Variants in RREB1 observed in about 807,000 individuals in gnomAD.
RREB1 encodes the protein ras-responsive element-binding protein 1.
RREB1 carries 27 observed loss-of-function variants against 117.8 expected under a neutral mutation model. That is an observed-to-expected ratio of 0.23 (90% CI 0.17 to 0.32). The LOEUF is 0.32. Among genes scored for constraint, RREB1 ranks in the 10% least tolerant of loss-of-function variants. The pLI is 1.00. For synonymous variants in RREB1, 1,298 were observed against 1,026.7 expected (o/e 1.26, Z -5.05); for missense variants, 2,577 against 2,378.2 (o/e 1.08, Z -1.74).
At chr6:7,108,317 T>TCCTCCTCCG (rs1378701714) in intron 1 of RREB1, among the ~76,000 whole-genome samples, 24 of 46,818 alleles carry the variant, frequency 5.1e-4, no homozygotes, top group Non-Finnish European at 2.0e-3. Context: ...GCCGGGCCAT[T>TCCTCCTCCG]CCTCCTCCTC....
rs878987846 is a variant in RREB1 at position 7,230,753 on chromosome 6, A to G, written c.2654A>G (p.Lys885Arg). Residue 885 changes from lysine to arginine, a missense_variant, in exon 10 of 13, where the codon AAG becomes AGG. Transcript: ENST00000379938. ...TQPPPPHVSI[K>R]LEPASSFAVD... ...CCTCCACCTCCCCATGTCTCGATCA[A>G]GTTGGAGCCCGCCAGTAGCTTTGCG... 6.2e-7 allele frequency: 1 copy of G among 1,610,460 alleles called. No homozygotes were observed. Among genetic ancestry groups the G allele is most frequent in the South Asian group, 1.1e-5 (1 of 90,670 alleles).
intron 1 of RREB1, among the ~76,000 whole-genome samples, chr6:7,133,027 C>T (rs1262499592): frequency 6.6e-6 from 1 of 152,216 alleles, no homozygotes; most frequent in East Asian, 1.9e-4. Flanking sequence ...GAGTTCACAT[C>T]TATCCTGAGC....
intron 6 of RREB1, among the ~76,000 whole-genome samples, chr6:7,199,514 A>C (rs190011899): frequency 6.6e-6 from 1 of 152,324 alleles, no homozygotes; most frequent in African/African-American, 2.4e-5. Context: ...AGTGCTGTGT[A>C]TCATGTGCTG....
At chr6:7,248,292 G>A (rs1581602757) in intron 12 of RREB1, among the ~76,000 whole-genome samples, 1 of 152,214 alleles carries the variant, frequency 6.6e-6, no homozygotes, top group East Asian at 1.9e-4. Flanking sequence ...TGGGCTGAGA[G>A]AGGAAGGAGA....
At chr6:7,246,224 T>C (rs1769007700) in intron 11 of RREB1, among the ~76,000 whole-genome samples, 200 bp from the exon 12 acceptor site, 1 of 152,120 alleles carries the variant, frequency 6.6e-6, no homozygotes, top group Non-Finnish European at 1.5e-5. Flanking sequence ...GAGGCTGCTT[T>C]TGCCTTTCTT....
intron 10 of RREB1, among the ~76,000 whole-genome samples, chr6:7,239,636 C>T (rs1286218475): frequency 1.3e-5 from 2 of 152,170 alleles, no homozygotes; most frequent in Admixed American, 6.5e-5. Flanking sequence ...GGTCTAGGGG[C>T]GAGGCAGGGC....
At chr6:7,108,928 C>T (rs1760987234) in intron 1 of RREB1, among the ~76,000 whole-genome samples, 1 of 151,286 alleles carries the variant, frequency 6.6e-6, no homozygotes. Flanking sequence ...GGACCGGGCC[C>T]TAGCCGTGCG....
chr6:7,114,545 A>G (rs1000707363), intron 1 of RREB1, among the ~76,000 whole-genome samples: 4 of 151,386 alleles, frequency 2.6e-5, no homozygotes, highest in African/African-American at 9.7e-5. Context: ...CACATCTTGG[A>G]GTGCACAGAA....
chr6:7,229,242 G>A lies in RREB1; in HGVS notation c.1143G>A (p.Glu381=). The change falls in exon 10 of 13, where the codon GAG becomes GAA. Residue 381 remains glutamate, a synonymous_variant. Transcript: ENST00000379938. This position sits in a 1 kb window ranked among gnomAD's most constrained non-coding sequence, Gnocchi z 4.5. ...HTKDVRPAPA[E]EPLPDDNQAI... ...AAGACGTCAGGCCTGCCCCCGCCGA[G>A]GAGCCCCTGCCGGATGACAACCAGG... 1 of 1,613,926 alleles carries A rather than the reference G, an allele frequency of 6.2e-7. No individual in the cohort carries two copies. The highest frequency in any genetic ancestry group is 2.2e-5 in the East Asian group (1 of 44,848).
intron 6 of RREB1, among the ~76,000 whole-genome samples, chr6:7,204,621 T>G (rs1474858886): frequency 1.3e-5 from 2 of 152,220 alleles, no homozygotes; most frequent in Non-Finnish European, 2.9e-5. Context: ...GCCTCCAGCT[T>G]GGCAGGTCCT....
In RREB1 at chr6:7,130,620, C is replaced by CT. The variant is rs150504185; in HGVS notation, c.-285+22573dup. ...CATTTACTTTTGTTAGTAGTCATTT[C>CT]TTTTTTTTTTTTTCGAGATGGAGTC... On this transcript the variant is annotated intron_variant, in intron 1 of 12. Transcript: ENST00000379938. Among the ~76,000 whole-genome samples the CT allele has an allele frequency of 6.1e-3, 882 of 143,664 alleles. 2 individuals carry two copies. Among genetic ancestry groups the CT allele is most frequent in the Middle Eastern group, 0.018 (5 of 276 alleles). 94.2% of individuals were successfully genotyped at this position (143,664 alleles called of 152,430 possible). A position where few individuals can be genotyped will look rare whatever the true frequency, so the allele number is the denominator to read the frequency against.
At chr6:7,148,321 G>T (rs1762963071) in intron 1 of RREB1, among the ~76,000 whole-genome samples, 1 of 152,096 alleles carries the variant, frequency 6.6e-6, no homozygotes, top group Admixed American at 6.5e-5. Flanking sequence ...GCCATCAGAA[G>T]GAGACACATT....
At chr6:7,119,756 G>C (rs971932454) in intron 1 of RREB1, among the ~76,000 whole-genome samples, 8 of 152,226 alleles carry the variant, frequency 5.3e-5, no homozygotes, top group Non-Finnish European at 1.0e-4. Context: ...CATTTTTAAA[G>C]ATTATTCCTA....
intron 6 of RREB1, 96 bp from the exon 7 acceptor site, chr6:7,210,706 GAA>G: frequency 1.8e-6 from 2 of 1,088,398 alleles, no homozygotes; most frequent in South Asian, 3.4e-5. Context: ...CTTAACTAAA[GAA>G]AATTTAAGTA....
chr6:7,123,859 C>A (rs533369200), intron 1 of RREB1, among the ~76,000 whole-genome samples: 1 of 152,116 alleles, frequency 6.6e-6, no homozygotes, highest in South Asian at 2.1e-4. Context: ...GATCCACCTG[C>A]CTCGGCCTCC....
At chr6:7,125,974 GAGA>G (rs1397502163) in intron 1 of RREB1, among the ~76,000 whole-genome samples, 5 of 143,536 alleles carry the variant, frequency 3.5e-5, no homozygotes, top group African/African-American at 1.2e-4. Context: ...CCTGTCTGCG[GAGA>G]AGGACTGTTT....
intron 1 of RREB1, among the ~76,000 whole-genome samples, chr6:7,118,712 G>A (rs1041175762): frequency 2.6e-5 from 4 of 151,670 alleles, no homozygotes; most frequent in African/African-American, 9.7e-5. Context: ...CTCCTGTCCT[G>A]GAGTGTGATT....
intron 1 of RREB1, among the ~76,000 whole-genome samples, chr6:7,172,427 G>A (rs758936840): frequency 2.7e-5 from 4 of 148,230 alleles, no homozygotes; most frequent in Non-Finnish European, 6.0e-5. Context: ...TTTTTTTTCT[G>A]TATCAGAGAT....
At chr6:7,226,268 T>A (rs1183404816) in intron 8 of RREB1, among the ~76,000 whole-genome samples, 199 bp from the exon 9 acceptor site, 1 of 152,236 alleles carries the variant, frequency 6.6e-6, no homozygotes, top group East Asian at 1.9e-4. Flanking sequence ...CAGAAGTTGA[T>A]AGAATACAAC....
Sources: gnomAD v4.1 joint callset for allele counts (sites outside exome capture counted in the v4.1 genomes callset) on GRCh38, gnomAD v4.1.1 for gene constraint, Gnocchi (gnomAD v3.1) non-coding constraint, MANE v1.5 for transcripts, NCBI Gene and HGNC (gene_info 2026-07-23, HGNC 2026-07-21) for gene names.